DNAH7: variants seen among roughly 807,000 people sequenced by gnomAD.
DNAH7 encodes axonemal beta dynein heavy chain 7.
Under a neutral mutation model 444.6 loss-of-function variants are expected in DNAH7, and 397 were observed. The observed-to-expected ratio is 0.89, with a 90% CI of 0.82 to 0.97. The LOEUF (loss-of-function observed/expected upper bound fraction) is 0.97. Ranked by LOEUF, DNAH7 falls within the 50% of genes least tolerant of loss-of-function variation. DNAH7 has a pLI of 0.00. For missense variants in DNAH7, 4,902 were observed against 4,800.8 expected, an observed-to-expected ratio of 1.02 and a Z score of -0.62; for synonymous variants, 1,636 against 1,624.4, an observed-to-expected ratio of 1.01 and a Z score of -0.17.
intron 18 of DNAH7, among the ~76,000 whole-genome samples, chr2:195,959,170 T>C (rs1690905069): frequency 6.6e-6 from 1 of 152,158 alleles, no homozygotes; most frequent in Non-Finnish European, 1.5e-5. Context: ...GCTCTGTGAT[T>C]TTAGATCTTT....
At chr2:196,007,565 A>T (rs1694453839) in intron 10 of DNAH7, among the ~76,000 whole-genome samples, 1 of 152,116 alleles carries the variant, frequency 6.6e-6, no homozygotes, top group Non-Finnish European at 1.5e-5. Flanking sequence ...CTCCACCCAA[A>T]TCTCACCTTG....
chr2:195,938,343 T>TACACAC (rs1689190741), intron 19 of DNAH7, among the ~76,000 whole-genome samples: 1 of 105,342 alleles, frequency 9.5e-6, no homozygotes, highest in African/African-American at 4.5e-5. Context: ...CAAATAGACA[T>TACACAC]TCACACACAC....
chr2:195,759,746 G>C (rs546134530), intron 61 of DNAH7, among the ~76,000 whole-genome samples: 63 of 152,198 alleles, frequency 4.1e-4, no homozygotes, highest in Non-Finnish European at 3.5e-4. Flanking sequence ...CAGCTGCTTG[G>C]GGGGCTGAGG....
chr2:195,738,860 CCT>C (rs1692815160), intron 64 of DNAH7, among the ~76,000 whole-genome samples: 2 of 152,212 alleles, frequency 1.3e-5, no homozygotes, highest in South Asian at 4.2e-4. Flanking sequence ...TGTTCAGACC[CCT>C]CTTTTAGGTT....
chr2:195,778,884 C>T (rs1307945471), intron 58 of DNAH7, among the ~76,000 whole-genome samples: 1 of 148,340 alleles, frequency 6.7e-6, no homozygotes. Flanking sequence ...ACTCTTGTTG[C>T]CCAGGCTGGA....
chr2:195,765,071 T>C (rs1458593066), intron 61 of DNAH7, among the ~76,000 whole-genome samples: 2 of 152,024 alleles, frequency 1.3e-5, no homozygotes, highest in Non-Finnish European at 2.9e-5. Context: ...AGAGAACCTA[T>C]AGATAAATCC....
rs200095433 is a variant in DNAH7 at position 195,884,667 on chromosome 2, C to A, written c.5681G>T (p.Gly1894Val). Residue 1894 changes from glycine (G) to valine (V), a missense_variant, in exon 35 of 65, where the codon GGT becomes GTT. Physicochemically the swap from Gly to Val is moderately radical, Grantham distance 109 (BLOSUM62 -3). Transcript: ENST00000312428. ...RTRNTFKLQS[G>V]TEQTSSKALT... ...TGCCTTTGAGGATGTTTGCTCAGTA[C>A]CACTCTGTAATTTAAACGTATTTCG... The A allele has an allele frequency of 4.1e-5, 66 of 1,614,122 alleles. No individual in the cohort carries two copies. In the Admixed American group the frequency reaches 1.1e-3, roughly 26 times the overall value.
chr2:195,866,191 AT>A (rs1700333621), intron 40 of DNAH7, among the ~76,000 whole-genome samples: 1 of 152,218 alleles, frequency 6.6e-6, no homozygotes, highest in African/African-American at 2.4e-5. Context: ...AATCTCATAG[AT>A]TTGGGGAAAA....
chr2:195,756,334 AT>A, intron 61 of DNAH7, 49 bp from the exon 62 acceptor site: 1 of 1,441,414 alleles, frequency 6.9e-7, no homozygotes, highest in Non-Finnish European at 9.3e-7. Flanking sequence ...ATTATGATAG[AT>A]TATAAGCAAC....
At chr2:195,808,004 C>T (rs545678008) in intron 53 of DNAH7, among the ~76,000 whole-genome samples, 44 of 152,256 alleles carry the variant, frequency 2.9e-4, no homozygotes, top group African/African-American at 9.6e-4. Context: ...ATACTCTCTG[C>T]ATATCTAGCT....
chr2:195,927,541 T>A (rs898455440), intron 21 of DNAH7, among the ~76,000 whole-genome samples: 4 of 151,260 alleles, frequency 2.6e-5, no homozygotes, highest in Admixed American at 2.6e-4. Context: ...ATTAATTAAT[T>A]AAAAAAATAG....
intron 31 of DNAH7, among the ~76,000 whole-genome samples, chr2:195,891,159 CA>C (rs1043947229): frequency 6.6e-6 from 1 of 152,206 alleles, no homozygotes; most frequent in African/African-American, 2.4e-5. Flanking sequence ...CTGCTTTCCA[CA>C]AGGCAGTCAT....
intron 61 of DNAH7, among the ~76,000 whole-genome samples, chr2:195,761,463 A>G (rs1289050822): frequency 1.3e-5 from 2 of 152,188 alleles, no homozygotes; most frequent in Non-Finnish European, 2.9e-5. Context: ...CTAGAGAATG[A>G]TATCAATATT....
At chr2:195,778,038 C>G in intron 58 of DNAH7, 53 bp from the exon 59 acceptor site, 2 of 1,413,290 alleles carry the variant, frequency 1.4e-6, no homozygotes. Flanking sequence ...TATACAGAAT[C>G]GTGTTTCTTG....
chr2:195,866,181 A>C (rs747525448), intron 40 of DNAH7, among the ~76,000 whole-genome samples: 1 of 152,202 alleles, frequency 6.6e-6, no homozygotes, highest in Non-Finnish European at 1.5e-5. Context: ...CTACCTCGCA[A>C]ATCTCATAGA....
At chr2:195,866,268 A>C (rs1700336915) in intron 40 of DNAH7, among the ~76,000 whole-genome samples, 1 of 152,342 alleles carries the variant, frequency 6.6e-6, no homozygotes, top group East Asian at 1.9e-4. Flanking sequence ...AAATTGCCCT[A>C]GCATTAAGGT....
At chr2:195,844,314 C>A (rs948704191) in intron 47 of DNAH7, among the ~76,000 whole-genome samples, 1 of 152,070 alleles carries the variant, frequency 6.6e-6, no homozygotes, top group African/African-American at 2.4e-5. Flanking sequence ...AATATCTGTG[C>A]TATCGTTAAC....
At chr2:195,765,868 T>C (rs1343705378) in intron 61 of DNAH7, among the ~76,000 whole-genome samples, 1 of 152,134 alleles carries the variant, frequency 6.6e-6, no homozygotes, top group Non-Finnish European at 1.5e-5. Flanking sequence ...CCAGCAATCC[T>C]ACTGCTATAT....
intron 46 of DNAH7, among the ~76,000 whole-genome samples, chr2:195,851,923 C>T (rs1284936311): frequency 6.6e-6 from 1 of 152,100 alleles, no homozygotes; most frequent in African/African-American, 2.4e-5. Context: ...GTGCTAAAGA[C>T]AGAAGCACCC....
Sources: gnomAD v4.1 joint callset for allele counts (sites outside exome capture counted in the v4.1 genomes callset) on GRCh38, gnomAD v4.1.1 for gene constraint, MANE v1.5 for transcripts, NCBI Gene and HGNC (gene_info 2026-07-23, HGNC 2026-07-21) for gene names.